The following ROR2 variants were observed in gnomAD, a reference collection of about 807,000 sequenced individuals.
ROR2 encodes ROR family WNT receptor 2, also known as tyrosine-protein kinase transmembrane receptor ROR2.
A neutral mutation model predicts 74.9 loss-of-function variants in ROR2; 33 were observed. The ratio of observed to expected loss-of-function variants is 0.44; its 90% CI spans 0.33 to 0.59. The LOEUF (loss-of-function observed/expected upper bound fraction) is 0.59, where lower values mean the gene tolerates loss of function less well. ROR2 is among the 20% of genes least tolerant of loss of function. ROR2 has a pLI of 0.02. For missense variants in ROR2, 1,216 were observed against 1,313.8 expected, an observed-to-expected ratio of 0.93 and a Z score of 1.15; for synonymous variants, 586 against 558.7, an observed-to-expected ratio of 1.05 and a Z score of -0.69.
At chr9:91,806,854 G>A (rs184241859) in intron 1 of ROR2, among the ~76,000 whole-genome samples, 13 of 152,330 alleles carry the variant, frequency 8.5e-5, no homozygotes, top group Admixed American at 8.5e-4. Flanking sequence ...CACCCAAAGT[G>A]CTGGGATTAC....
At chr9:91,851,405 C>T (rs1829087508) in intron 1 of ROR2, among the ~76,000 whole-genome samples, 2 of 151,542 alleles carry the variant, frequency 1.3e-5, no homozygotes, top group African/African-American at 4.8e-5. Flanking sequence ...CCATATATTC[C>T]ATAGGTCTGT....
intron 1 of ROR2, among the ~76,000 whole-genome samples, chr9:91,947,864 A>T (rs907795953): frequency 6.6e-6 from 1 of 152,164 alleles, no homozygotes; most frequent in Non-Finnish European, 1.5e-5. Flanking sequence ...AAACACTCAA[A>T]TCTCCTGTAA....
intron 1 of ROR2, among the ~76,000 whole-genome samples, chr9:91,850,315 C>T (rs965607650): frequency 6.6e-6 from 1 of 152,164 alleles, no homozygotes; most frequent in Admixed American, 6.5e-5. Context: ...CCAAGATGGC[C>T]ACATTGTAAT....
At chr9:91,841,748 C>A (rs1196025504) in intron 1 of ROR2, among the ~76,000 whole-genome samples, 1 of 152,182 alleles carries the variant, frequency 6.6e-6, no homozygotes, top group Non-Finnish European at 1.5e-5. Flanking sequence ...TCTTCAGTGC[C>A]CTCGGATGCC....
chr9:91,735,606 C>CTTTTTTTTTTTTTTTTTTTTTTTTTTT (rs35146225), intron 5 of ROR2, among the ~76,000 whole-genome samples: 8 of 79,012 alleles, frequency 1.0e-4, no homozygotes, highest in Admixed American at 3.5e-4. Flanking sequence ...AGGGCTCTAA[C>CTTTTTTTTTTTTTTTTTTTTTTTTTTT]TTTTTTTTTT....
intron 1 of ROR2, among the ~76,000 whole-genome samples, chr9:91,841,902 TGA>T (rs1828794090): frequency 6.6e-6 from 1 of 152,210 alleles, no homozygotes; most frequent in Non-Finnish European, 1.5e-5. Flanking sequence ...GCAGCCACCA[TGA>T]GAGTCATCTC....
At chr9:91,844,013 C>T (rs1828855593) in intron 1 of ROR2, among the ~76,000 whole-genome samples, 1 of 152,228 alleles carries the variant, frequency 6.6e-6, no homozygotes, top group South Asian at 2.1e-4. Flanking sequence ...AACGGCCGTC[C>T]CCACACTCTC....
At chr9:91,843,197 A>C (rs1828834456) in intron 1 of ROR2, among the ~76,000 whole-genome samples, 1 of 152,184 alleles carries the variant, frequency 6.6e-6, no homozygotes, top group Non-Finnish European at 1.5e-5. Flanking sequence ...GGCCCTGCAA[A>C]GACCCTGAAG....
chr9:91,798,317 C>T (rs1208389194), intron 1 of ROR2, among the ~76,000 whole-genome samples: 1 of 97,260 alleles, frequency 1.0e-5, no homozygotes, highest in South Asian at 3.9e-4. Context: ...TCTGTGGGTG[C>T]GGCTGACGCC....
At chr9:91,906,620 G>A (rs896822011) in intron 1 of ROR2, among the ~76,000 whole-genome samples, 13 of 152,130 alleles carry the variant, frequency 8.5e-5, no homozygotes, top group Non-Finnish European at 1.6e-4. Context: ...TTGTTCTTTC[G>A]TTGTTGTTAT....
chr9:91,815,558 A>G (rs1827901143), intron 1 of ROR2, among the ~76,000 whole-genome samples: 1 of 152,258 alleles, frequency 6.6e-6, no homozygotes. Context: ...AGTGAGTTAC[A>G]GGATTTTCAC....
At chr9:91,762,011 C>T (rs1234619414) in intron 2 of ROR2, among the ~76,000 whole-genome samples, 2 of 152,204 alleles carry the variant, frequency 1.3e-5, no homozygotes, top group Non-Finnish European at 2.9e-5. Flanking sequence ...AGCCTTCTTT[C>T]TTGGCAATAA....
intron 1 of ROR2, among the ~76,000 whole-genome samples, chr9:91,829,297 C>A (rs1828386727): frequency 1.3e-5 from 2 of 152,092 alleles, no homozygotes; most frequent in Admixed American, 1.3e-4. Flanking sequence ...AATCCTTGCA[C>A]TTTGGGAGAC....
At chr9:91,789,290 T>G (rs1404608654) in intron 1 of ROR2, among the ~76,000 whole-genome samples, 1 of 152,174 alleles carries the variant, frequency 6.6e-6, no homozygotes, top group East Asian at 1.9e-4. Context: ...ATTAGCAGAC[T>G]ACCCTATAAG....
intron 1 of ROR2, among the ~76,000 whole-genome samples, chr9:91,779,651 A>G (rs1336452368): frequency 6.6e-6 from 1 of 152,122 alleles, no homozygotes; most frequent in Non-Finnish European, 1.5e-5. Flanking sequence ...GATTACAGGC[A>G]TGAGCCACCG....
chr9:91,914,038 G>T (rs142803509), intron 1 of ROR2, among the ~76,000 whole-genome samples: 1 of 152,044 alleles, frequency 6.6e-6, no homozygotes, highest in African/African-American at 2.4e-5. Flanking sequence ...AGAGTTTCCA[G>T]CCAGAAACTC....
Position 91,922,124 on chromosome 9 carries a change from CA to C in ROR2, c.97+27742del, listed in dbSNP as rs374355687. 2.4e-3 allele frequency among the ~76,000 whole-genome samples: 337 copies of C among 140,124 alleles called. 1 individual carries two copies. Among genetic ancestry groups the C allele is most frequent in the African/African-American group, 8.0e-3 (316 of 39,610 alleles). 91.9% of individuals were successfully genotyped at this position (140,124 alleles called of 152,430 possible). A position where few individuals can be genotyped will look rare whatever the true frequency, so the allele number is the denominator to read the frequency against. On this transcript the variant is annotated intron_variant, in intron 1 of 8. Transcript: ENST00000375708. ...GCAACAACAACAACAACAACAACAA[CA>C]AACAACAACAACAAAAACAGAAAAC...
chr9:91,870,568 A>G (rs1370998853), intron 1 of ROR2, among the ~76,000 whole-genome samples: 1 of 152,256 alleles, frequency 6.6e-6, no homozygotes, highest in Non-Finnish European at 1.5e-5. Context: ...TCAATTCCCT[A>G]GCACGTGTCC....
At chr9:91,729,965 T>C (rs1458497043) in intron 7 of ROR2, among the ~76,000 whole-genome samples, 1 of 152,192 alleles carries the variant, frequency 6.6e-6, no homozygotes, top group Non-Finnish European at 1.5e-5. Context: ...GTTTTTTGTT[T>C]TTTGTTTTTG....
Sources: gnomAD v4.1 joint callset for allele counts (sites outside exome capture counted in the v4.1 genomes callset) on GRCh38, gnomAD v4.1.1 for gene constraint, MANE v1.5 for transcripts, NCBI Gene and HGNC (gene_info 2026-07-23, HGNC 2026-07-21) for gene names.